The following APC variants were observed in gnomAD, a reference collection of about 807,000 sequenced individuals.
APC encodes the protein adenomatous polyposis coli protein.
APC carries 72 observed loss-of-function variants against 247.0 expected under a neutral mutation model. That is an observed-to-expected ratio of 0.29 (90% CI 0.24 to 0.35). The LOEUF is 0.35. Ranked by LOEUF, APC falls within the 10% of genes least tolerant of loss-of-function variation. APC has a pLI of 1.00. For missense variants in APC, 3,400 were observed against 3,360.7 expected, an observed-to-expected ratio of 1.01 and a Z score of -0.29; for synonymous variants, 1,254 against 1,162.5, an observed-to-expected ratio of 1.08 and a Z score of -1.60.
intron 4 of APC, among the ~76,000 whole-genome samples, chr5:112,772,516 C>CTT (rs35444319): frequency 8.3e-4 from 115 of 138,300 alleles, no homozygotes; most frequent in African/African-American, 2.7e-3. Context: ...ATGCCCAGCT[C>CTT]TTTTTTTTTT....
At chr5:112,727,880 T>TA (rs1172059682) in intron 1 of APC, among the ~76,000 whole-genome samples, 1 of 151,548 alleles carries the variant, frequency 6.6e-6, no homozygotes, top group African/African-American at 2.4e-5. Flanking sequence ...GTCAAAGTAT[T>TA]AAAAAAAATT....
Position 112,767,371 on chromosome 5 carries a change from G to C in APC, c.403G>C (p.Glu135Gln), listed in dbSNP as rs1431743312. ...AAGCAGAGAAAGTACTGGATATTTA[G>C]AAGAACTTGAGAAAGAGAGGTAACT... ...NGSRESTGYLEELEKERSLLL... is the reference protein window; with the variant it reads ...NGSRESTGYLQELEKERSLLL... Residue 135 changes from glutamate (E) to glutamine (Q), a missense_variant, in exon 4 of 16, where the codon GAA (glutamate) becomes CAA (glutamine). By Grantham distance (29) the Glu-to-Gln change is conservative. Coordinates refer to ENST00000257430, the MANE Select transcript of APC (RefSeq NM_000038.6). 6.2e-7 allele frequency: 1 copy of C among 1,613,990 alleles called. No individual in the cohort carries two copies. Among genetic ancestry groups the C allele is most frequent in the South Asian group, 1.1e-5 (1 of 91,072 alleles).
rs1580681496 is a variant in APC at position 112,842,946 on chromosome 5, C to T, written c.7352C>T (p.Thr2451Ile). The change falls in exon 16 of 16, where the codon ACC becomes ATC. Residue 2451 changes from threonine (T) to isoleucine (I), a missense_variant. This residue lies in a region of APC where 1,788 missense variants were observed against 1,649.5 expected (regional missense o/e 1.08). Coordinates refer to ENST00000257430, the MANE Select transcript of APC (RefSeq NM_000038.6). ...TTCATCAAAGAAGCTCCAAGCCCAA[C>T]CTTAAGAAGAAAATTGGAGGAATCT... ...STFIKEAPSPTLRRKLEESAS... is the reference protein window; with the variant it reads ...STFIKEAPSPILRRKLEESAS... The T allele has an allele frequency of 6.2e-7, 1 of 1,613,980 alleles. No individual in the cohort carries two copies. Among genetic ancestry groups the T allele is most frequent in the Non-Finnish European group, 8.5e-7 (1 of 1,179,866 alleles).
At chr5:112,784,153 C>T (rs1291095769) in intron 6 of APC, among the ~76,000 whole-genome samples, 3 of 152,156 alleles carry the variant, frequency 2.0e-5, no homozygotes, top group African/African-American at 7.2e-5. Context: ...CTGCAACCCC[C>T]ACCTCCTGGC....
rs375616619 is a variant in APC at position 112,825,052 on chromosome 5, G to T, written c.1409-2056G>T. The stretch of plus-strand genomic sequence containing the variant: ...AACTCAACTGTCACAAACTGAATTC[G>T]TAATCTTTCCCATCCCTGAATCTCT... On this transcript the variant is annotated intron_variant, in intron 11 of 15. Coordinates refer to ENST00000257430, the MANE Select transcript of APC (RefSeq NM_000038.6). Among the ~76,000 whole-genome samples the T allele has an allele frequency of 1.3e-3, 193 of 152,176 alleles. 4 individuals carry two copies. In the South Asian group the frequency reaches 0.036, roughly 29 times the overall value.
chr5:112,772,396 A>T (rs920112940), intron 4 of APC, among the ~76,000 whole-genome samples: 2 of 152,206 alleles, frequency 1.3e-5, no homozygotes, highest in Non-Finnish European at 2.9e-5. Flanking sequence ...AGAGTATTTT[A>T]CTACAGGTTA....
chr5:112,740,168 C>T (rs1752826249), intron 1 of APC, among the ~76,000 whole-genome samples: 3 of 152,068 alleles, frequency 2.0e-5, no homozygotes, highest in South Asian at 4.1e-4. Flanking sequence ...TATAAGAATG[C>T]TTTAAAAAAT....
intron 8 of APC, among the ~76,000 whole-genome samples, chr5:112,805,598 G>C (rs1580470953): frequency 6.6e-6 from 1 of 152,146 alleles, no homozygotes; most frequent in East Asian, 1.9e-4. Flanking sequence ...GTAGATGTGT[G>C]ACCTGTATCT....
rs979884116 is a variant in APC at position 112,782,009 on chromosome 5, A to G, written c.645+1106A>G. ...TCAGCCTCCCAAAGTGCTAGGATTT[A>G]GAGTCATCATGCCCAGTGTATTAGT... On this transcript the variant is annotated intron_variant, in intron 6 of 15. Transcript: ENST00000257430. Among the ~76,000 whole-genome samples, 4 of 152,322 alleles carry G rather than the reference A, an allele frequency of 2.6e-5. No individual in the cohort carries two copies. In the South Asian group the frequency reaches 8.3e-4, roughly 32 times the overall value.
At position 112,767,200 on chromosome 5, in the gene APC, G is replaced by C. The variant is rs1253209514; in HGVS notation, c.232G>C (p.Asp78His). 6.2e-7 allele frequency: 1 copy of C among 1,613,756 alleles called. No individual in the cohort carries two copies. The highest frequency in any genetic ancestry group is 8.5e-7 in the Non-Finnish European group (1 of 1,179,672). ...TCTATTTTATTTAGAGCTTAACTTA[G>C]ATAGCAGTAATTTCCCTGGAGTAAA... is the stretch of plus-strand genomic sequence containing the variant. ...LLERLKELNL[D>H]SSNFPGVKLR... Residue 78 changes from aspartate to histidine, a missense_variant, in exon 4 of 16, where the codon GAT (aspartate) becomes CAT (histidine). Physicochemically the swap from Asp to His is moderately conservative, Grantham distance 81. Coordinates refer to ENST00000257430, the MANE Select transcript of APC (RefSeq NM_000038.6).
At chr5:112,797,907 C>T (rs1407065895) in intron 7 of APC, among the ~76,000 whole-genome samples, 2 of 152,144 alleles carry the variant, frequency 1.3e-5, no homozygotes, top group Admixed American at 1.3e-4. Flanking sequence ...ATTATGATGG[C>T]TTTAATCATA....
chr5:112,713,059 T>C (rs1042308247), intron 1 of APC, among the ~76,000 whole-genome samples: 1 of 151,212 alleles, frequency 6.6e-6, no homozygotes, highest in Non-Finnish European at 1.5e-5. Flanking sequence ...TAATCCCCAC[T>C]ACTCAGGAGG....
At chr5:112,824,745 CTCATTAGTATACCAGGCCAAG>C (rs11274627) in intron 11 of APC, among the ~76,000 whole-genome samples, 83,124 of 151,812 alleles carry the variant, frequency 0.55, 23,307 homozygotes, top group East Asian at 0.82. Context: ...TCTTGGGGAT[CTCATTAGTATACCAGGCCAAG>C]TCTTAAGGTC....
intron 6 of APC, among the ~76,000 whole-genome samples, chr5:112,784,821 G>A (rs1758764603): frequency 1.3e-5 from 2 of 152,230 alleles, no homozygotes; most frequent in African/African-American, 4.8e-5. Flanking sequence ...CAAACCAGAA[G>A]CAAACCTTAT....
At position 112,844,032 on chromosome 5, in the gene APC, CAAAG is replaced by C. The variant is rs879253985; in HGVS notation, c.8441_8444del (p.Lys2814SerfsTer26). On this transcript the variant is annotated frameshift_variant, in exon 16 of 16. Coordinates refer to ENST00000257430, the MANE Select transcript of APC (RefSeq NM_000038.6). LOFTEE classifies it high-confidence loss of function. ...ATCCCAACTCCAGTGAATAACAACA[CAAAG>C]AAGCGAGATTCCAAAACTGACAGCA... is the stretch of plus-strand genomic sequence containing the variant. 3.1e-6 allele frequency: 5 copies of C among 1,602,624 alleles called. No homozygotes were observed. Among genetic ancestry groups the C allele is most frequent in the Non-Finnish European group, 1.7e-6 (2 of 1,176,868 alleles).
intron 3 of APC, 152 bp from the exon 4 acceptor site, chr5:112,767,037 A>G: frequency 1.4e-6 from 1 of 705,318 alleles, no homozygotes. Context: ...TGGACTTTTC[A>G]GGGAAAGTCC....
intron 6 of APC, among the ~76,000 whole-genome samples, chr5:112,783,456 T>A (rs1580389062): frequency 6.6e-6 from 1 of 151,516 alleles, no homozygotes; most frequent in African/African-American, 2.4e-5. Context: ...TATAAGAGAT[T>A]TAATATCCCT....
chr5:112,819,372 T>C (rs752792960), intron 10 of APC, 28 bp downstream of exon 10: 1 of 1,613,856 alleles, frequency 6.2e-7, no homozygotes, highest in Admixed American at 1.7e-5. Context: ...TACATCGTAG[T>C]GCATGTTTCA....
chr5:112,823,909 GTGATAAGTGGCCTGGC>G (rs1763392525), intron 11 of APC, among the ~76,000 whole-genome samples: 1 of 152,188 alleles, frequency 6.6e-6, no homozygotes, highest in Non-Finnish European at 1.5e-5. Context: ...AGGAATCAAT[GTGATAAGTGGCCTGGC>G]TGATTCTTAT....
Sources: allele counts gnomAD v4.1 joint callset (sites outside exome capture counted in the v4.1 genomes callset), GRCh38; gene constraint gnomAD v4.1.1; regional missense constraint gnomAD v4.1.1; transcripts MANE v1.5; gene names NCBI Gene and HGNC (gene_info 2026-07-23, HGNC 2026-07-21).